AXIN1: variants seen among roughly 807,000 people sequenced by gnomAD.
The protein encoded by AXIN1 is axin-1.
In AXIN1, 30 loss-of-function variants were observed where a neutral mutation model predicts 76.4. The observed-to-expected ratio is 0.39, with a 90% CI of 0.29 to 0.53. The LOEUF (loss-of-function observed/expected upper bound fraction) is 0.53, where lower values mean the gene tolerates loss of function less well. AXIN1 is among the 20% of genes least tolerant of loss of function. The pLI is 0.66. For missense variants in AXIN1, 1,140 were observed against 1,198.8 expected (o/e 0.95, Z 0.72); for synonymous variants, 545 against 501.4 (o/e 1.09, Z -1.16).
Position 291,240 on chromosome 16 carries a change from C to A in AXIN1, c.2244G>T (p.Pro748=), listed in dbSNP as rs749621425. The A allele has an allele frequency of 6.3e-7, 1 of 1,587,294 alleles. No homozygotes were observed. The highest frequency in any genetic ancestry group is 8.6e-7 in the Non-Finnish European group (1 of 1,167,946). Residue 748 remains proline (P), a synonymous_variant, in exon 9 of 11, where the codon CCG becomes CCT. Coordinates refer to ENST00000262320, the MANE Select transcript of AXIN1 (RefSeq NM_003502.4). ...GRACVRPACA[P]VLHVVPAVSD... ...ACACGGCTGGTACCACGTGCAGCAC[C>A]GGCGCGCACGCTGGCCTGACGCAGG...
chr16:336,096 G>A (rs2053797906), intron 2 of AXIN1, among the ~76,000 whole-genome samples: 2 of 152,224 alleles, frequency 1.3e-5, no homozygotes. Flanking sequence ...TTAGCTGGGT[G>A]TGGTGATGCA....
At chr16:351,532 C>A (rs941620446) in intron 1 of AXIN1, among the ~76,000 whole-genome samples, 1 of 152,058 alleles carries the variant, frequency 6.6e-6, no homozygotes, top group African/African-American at 2.4e-5. Context: ...ACTGCTTGAA[C>A]CCGGGAGGCG....
At position 310,076 on chromosome 16, in the gene AXIN1, A is replaced by G. The variant is rs1567277221; in HGVS notation, c.1020-7T>C. On this transcript the variant is annotated splice_region_variant and splice_polypyrimidine_tract_variant and intron_variant, in intron 3 of 10. Coordinates refer to ENST00000262320, the MANE Select transcript of AXIN1 (RefSeq NM_003502.4). ...GTATGGGGGGATCCCATCCCTGTCC[A>G]GGAGAAAGAGGCAGCCGTTAACTCA... 2 of 1,604,502 alleles carry G rather than the reference A, an allele frequency of 1.2e-6. No individual in the cohort carries two copies. Among genetic ancestry groups the G allele is most frequent in the African/African-American group, 2.7e-5 (2 of 74,692 alleles).
At chr16:324,446 G>A (rs1297381590) in intron 2 of AXIN1, among the ~76,000 whole-genome samples, 1 of 152,184 alleles carries the variant, frequency 6.6e-6, no homozygotes, top group Non-Finnish European at 1.5e-5. Context: ...GTCCTCCGGG[G>A]AGGTTTGCAA....
intron 5 of AXIN1, among the ~76,000 whole-genome samples, chr16:301,539 C>G (rs1336742757): frequency 2.6e-5 from 4 of 152,088 alleles, no homozygotes; most frequent in South Asian, 4.1e-4. Context: ...GCCTGAAATC[C>G]CAGCACTTCG....
At chr16:324,348 G>T (rs1036934024) in intron 2 of AXIN1, among the ~76,000 whole-genome samples, 3 of 152,204 alleles carry the variant, frequency 2.0e-5, no homozygotes, top group African/African-American at 7.2e-5. Flanking sequence ...CTGGGGGCCG[G>T]AATGCGGGTG....
chr16:322,613 C>A (rs761301147), intron 2 of AXIN1, among the ~76,000 whole-genome samples: 4 of 152,202 alleles, frequency 2.6e-5, no homozygotes, highest in African/African-American at 4.8e-5. Context: ...CATGCAGACT[C>A]GGGTGTGCGT....
In AXIN1 at chr16:333,065, T is replaced by G. The variant is rs540392477; in HGVS notation, c.878+13083A>C. Among the ~76,000 whole-genome samples, 5 of 152,168 alleles carry G rather than the reference T, an allele frequency of 3.3e-5. No individual in the cohort carries two copies. In the South Asian group the frequency reaches 1.0e-3, roughly 32 times the overall value. ...ATTAGCGAGGTGGGCCGGGTGCAAT[T>G]GCTCACGCCTGTAATCCCAGCACTT... On this transcript the variant is annotated intron_variant, in intron 2 of 10. Transcript: ENST00000262320.
intron 2 of AXIN1, among the ~76,000 whole-genome samples, chr16:324,428 G>A (rs1185246888): frequency 6.6e-6 from 1 of 152,204 alleles, no homozygotes; most frequent in East Asian, 1.9e-4. Context: ...AGGCCTCACA[G>A]GCCCGCGGTC....
intron 5 of AXIN1, among the ~76,000 whole-genome samples, chr16:300,853 T>C (rs963795245): frequency 2.0e-5 from 3 of 152,202 alleles, no homozygotes; most frequent in Admixed American, 2.0e-4. Flanking sequence ...TTCACTGCCT[T>C]GGCCGAGCTC....
chr16:342,168 C>A (rs771373763), intron 2 of AXIN1, among the ~76,000 whole-genome samples: 2 of 151,582 alleles, frequency 1.3e-5, no homozygotes, highest in Admixed American at 1.3e-4. Context: ...TGGGTCCACA[C>A]TGCCTTTATG....
At chr16:324,621 C>T (rs112454062) in intron 2 of AXIN1, among the ~76,000 whole-genome samples, 2 of 152,346 alleles carry the variant, frequency 1.3e-5, no homozygotes, top group South Asian at 2.1e-4. Flanking sequence ...ACACGCCGCA[C>T]GTCAGCACAT....
intron 6 of AXIN1, 152 bp from the exon 7 acceptor site, chr16:297,378 C>G (rs891305323): frequency 3.8e-6 from 4 of 1,040,130 alleles, no homozygotes; most frequent in East Asian, 2.6e-5. Flanking sequence ...CACCCGCTGT[C>G]CCCCGCCAGC....
rs1241235130 is a variant in AXIN1 at position 295,710 on chromosome 16, C to T, written c.1955+1346G>A. Among the ~76,000 whole-genome samples the T allele has an allele frequency of 2.6e-5, 4 of 152,244 alleles. No homozygotes were observed. The East Asian group carries it at 7.7e-4, about 29-fold the overall frequency. On this transcript the variant is annotated intron_variant, in intron 7 of 10. Coordinates refer to ENST00000262320, the MANE Select transcript of AXIN1 (RefSeq NM_003502.4). ...GGCACGGTGGCTCACGCCTGTAATC[C>T]TAGCACTCCAGGAGGCCGAGGCAGG...
intron 3 of AXIN1, among the ~76,000 whole-genome samples, chr16:312,675 C>T (rs1027816571): frequency 4.0e-5 from 6 of 151,240 alleles, no homozygotes; most frequent in East Asian, 1.9e-4. Flanking sequence ...CAAAATTAAA[C>T]GAGGATGAAA....
At chr16:289,679 A>G in intron 9 of AXIN1, 72 bp from the exon 10 acceptor site, 1 of 1,585,796 alleles carries the variant, frequency 6.3e-7, no homozygotes, top group Admixed American at 1.8e-5. Context: ...TGCTGGCCTC[A>G]GGCTGCCAGT....
chr16:313,438 C>T (rs769253499), intron 3 of AXIN1, among the ~76,000 whole-genome samples: 3 of 152,272 alleles, frequency 2.0e-5, no homozygotes, highest in Non-Finnish European at 4.4e-5. Flanking sequence ...CCAGGCTTTC[C>T]TCATGGAGAA....
chr16:307,465 G>A (rs1004603602), intron 4 of AXIN1, among the ~76,000 whole-genome samples: 4 of 152,198 alleles, frequency 2.6e-5, no homozygotes, highest in African/African-American at 9.6e-5. Context: ...GCCCCTCCCC[G>A]CAGGGCACGC....
chr16:341,045 G>C (rs1052680778), intron 2 of AXIN1, among the ~76,000 whole-genome samples: 2 of 152,258 alleles, frequency 1.3e-5, no homozygotes, highest in African/African-American at 4.8e-5. Flanking sequence ...CCGAGGGCTG[G>C]CCCTCCTGGC....
Sources: gnomAD v4.1 joint callset for allele counts (sites outside exome capture counted in the v4.1 genomes callset) on GRCh38, gnomAD v4.1.1 for gene constraint, MANE v1.5 for transcripts, NCBI Gene and HGNC (gene_info 2026-07-23, HGNC 2026-07-21) for gene names.